USP31: variants seen among roughly 807,000 people sequenced by gnomAD.
The protein encoded by USP31 is ubiquitin carboxyl-terminal hydrolase 31.
USP31 carries 44 observed loss-of-function variants against 119.4 expected under a neutral mutation model. That is an observed-to-expected ratio of 0.37 (90% confidence interval 0.29 to 0.47). The LOEUF (loss-of-function observed/expected upper bound fraction) is 0.47. Among genes scored for constraint, USP31 ranks in the 20% least tolerant of loss-of-function variants. The pLI, the probability that USP31 is intolerant of heterozygous loss-of-function variation, is 0.99. For synonymous variants in USP31, 749 were observed against 705.6 expected (o/e 1.06, Z -0.97); for missense variants, 1,643 against 1,730.2 (o/e 0.95, Z 0.89).
chr16:23,100,950 G>C (rs1901826693), intron 6 of USP31, among the ~76,000 whole-genome samples: 1 of 152,082 alleles, frequency 6.6e-6, no homozygotes, highest in African/African-American at 2.4e-5. Flanking sequence ...GAAGAACCGA[G>C]GAAGGAGAGA....
rs1899937932 is a variant in USP31 at position 23,063,542 on chromosome 16, T to C, written c.*4504A>G. 1 of 152,574 alleles carries C rather than the reference T, an allele frequency of 6.6e-6. No homozygotes were observed. Among genetic ancestry groups the C allele is most frequent in the Non-Finnish European group, 1.5e-5 (1 of 68,028 alleles). 9.5% of individuals were successfully genotyped at this position (152,574 alleles called of 1,614,324 possible). On this transcript the variant is annotated 3_prime_UTR_variant, in exon 16 of 16. Transcript: ENST00000219689. ...AGGCTAAATACAGTATGTACACCAA[T>C]GATGTGTGTTCAACATATCCAATTC...
intron 6 of USP31, among the ~76,000 whole-genome samples, chr16:23,096,361 TACAA>T (rs1901614251): frequency 6.6e-6 from 1 of 152,172 alleles, no homozygotes; most frequent in Non-Finnish European, 1.5e-5. Flanking sequence ...CTTAGAGACC[TACAA>T]AGAGACTTAG....
intron 6 of USP31, among the ~76,000 whole-genome samples, chr16:23,092,092 G>A (rs1901388468): frequency 6.6e-6 from 1 of 152,198 alleles, no homozygotes; most frequent in East Asian, 1.9e-4. Context: ...CCAGCTGTGT[G>A]AGCTGGGAGT....
chr16:23,097,516 C>T (rs558318565), intron 6 of USP31, among the ~76,000 whole-genome samples: 1 of 152,294 alleles, frequency 6.6e-6, no homozygotes, highest in South Asian at 2.1e-4. Context: ...GGCAGAGACA[C>T]AACAAATAAA....
intron 12 of USP31, among the ~76,000 whole-genome samples, chr16:23,081,580 T>C (rs999620229): frequency 6.6e-6 from 1 of 151,904 alleles, no homozygotes; most frequent in African/African-American, 2.4e-5. Flanking sequence ...TCTAATCTGT[T>C]ATCTACACAA....
chr16:23,106,202 T>C lies in USP31; in HGVS notation c.953+11A>G. ...AAAATACAGTCTTCATTTTACTAAA[T>C]CCATTCTTACCTTGTGTGGGGCAGA... is the stretch of plus-strand genomic sequence containing the variant. On this transcript the variant is annotated intron_variant, in intron 4 of 15. Coordinates refer to ENST00000219689, the MANE Select transcript of USP31 (RefSeq NM_020718.4). The C allele has an allele frequency of 6.2e-7, 1 of 1,614,098 alleles. No individual in the cohort carries two copies. Among genetic ancestry groups the C allele is most frequent in the South Asian group, 1.1e-5 (1 of 91,066 alleles).
At chr16:23,120,698 A>T (rs1596725996) in intron 1 of USP31, among the ~76,000 whole-genome samples, 1 of 152,260 alleles carries the variant, frequency 6.6e-6, no homozygotes, top group African/African-American at 2.4e-5. Context: ...AAGGTAGAGG[A>T]GGAACATACA....
At chr16:23,137,897 T>C (rs1301032377) in intron 1 of USP31, among the ~76,000 whole-genome samples, 1 of 152,154 alleles carries the variant, frequency 6.6e-6, no homozygotes, top group African/African-American at 2.4e-5. Flanking sequence ...TAAACAGTAT[T>C]ACAAATGTTC....
At chr16:23,108,924 C>A (rs1291321479) in intron 1 of USP31, among the ~76,000 whole-genome samples, 1 of 152,154 alleles carries the variant, frequency 6.6e-6, no homozygotes, top group Non-Finnish European at 1.5e-5. Flanking sequence ...CACTCATCAA[C>A]AAAGACTTAA....
chr16:23,101,313 G>A (rs1424872037), intron 6 of USP31, among the ~76,000 whole-genome samples: 1 of 152,128 alleles, frequency 6.6e-6, no homozygotes. Context: ...GAGTGAAGAG[G>A]AGGATAGTAG....
intron 2 of USP31, 35 bp downstream of exon 2, chr16:23,108,011 C>A: frequency 1.3e-6 from 2 of 1,581,166 alleles, no homozygotes; most frequent in South Asian, 1.2e-5. Context: ...ACTCTCATGG[C>A]TGGCTGACTG....
rs144803691 is a variant in USP31 at position 23,069,534 on chromosome 16, G to T, written c.2571C>A (p.Ala857=). ...SSRSSVTSPL[A]VNENCMRPSW... ...AAGGTCTCATGCAATTTTCATTGACGGCCAAGGGGCTGGTGACAGAAGATC... is the reference window on the plus strand; with the variant it reads ...AAGGTCTCATGCAATTTTCATTGACTGCCAAGGGGCTGGTGACAGAAGATC... Residue 857 remains alanine, a synonymous_variant, in exon 16 of 16, where the codon GCC becomes GCA. Coordinates refer to ENST00000219689, the MANE Select transcript of USP31 (RefSeq NM_020718.4). 2 of 1,614,134 alleles carry T rather than the reference G, an allele frequency of 1.2e-6. No individual in the cohort carries two copies. Among genetic ancestry groups the T allele is most frequent in the South Asian group, 1.1e-5 (1 of 91,076 alleles).
At chr16:23,132,441 C>T (rs1004967407) in intron 1 of USP31, among the ~76,000 whole-genome samples, 5 of 151,636 alleles carry the variant, frequency 3.3e-5, no homozygotes, top group African/African-American at 1.2e-4. Flanking sequence ...TATTTAGTAG[C>T]CCCTCATTGT....
intron 1 of USP31, among the ~76,000 whole-genome samples, chr16:23,120,250 A>G (rs1042163037): frequency 6.6e-6 from 1 of 152,228 alleles, no homozygotes; most frequent in African/African-American, 2.4e-5. Flanking sequence ...TGATAATCTG[A>G]AAGAGTTAAA....
At chr16:23,134,911 CA>C (rs1466961095) in intron 1 of USP31, among the ~76,000 whole-genome samples, 1 of 151,154 alleles carries the variant, frequency 6.6e-6, no homozygotes, top group Non-Finnish European at 1.5e-5. Context: ...CACACACACA[CA>C]CACATATTCT....
In USP31 at chr16:23,061,563, GAAT is replaced by G. The variant is rs918401019; in HGVS notation, c.*6480_*6482del. 7 of 152,714 alleles carry G rather than the reference GAAT, an allele frequency of 4.6e-5. No homozygotes were observed. The highest frequency in any genetic ancestry group is 1.3e-4 in the Admixed American group (2 of 15,300). The allele number at this position is 152,714 out of a possible 1,614,324, so 9.5% of individuals were successfully genotyped here. ...TGCTTCTTAAAAGTGCATACACTTT[GAAT>G]AATAAAACATACAAATAAATAACAG... On this transcript the variant is annotated 3_prime_UTR_variant, in exon 16 of 16. Transcript: ENST00000219689.
intron 13 of USP31, chr16:23,079,578 A>T (rs2141838250): frequency 6.1e-6 from 1 of 163,998 alleles, no homozygotes; most frequent in South Asian, 1.9e-4. Flanking sequence ...AAAAAAAAAA[A>T]AAGTAGTTCA....
chr16:23,113,816 T>A (rs575161507), intron 1 of USP31, among the ~76,000 whole-genome samples: 77 of 152,128 alleles, frequency 5.1e-4, no homozygotes, highest in African/African-American at 1.4e-3. Context: ...ATAAAGATGA[T>A]TCTTCAGGCT....
chr16:23,110,345 T>A (rs556363605), intron 1 of USP31, among the ~76,000 whole-genome samples: 1 of 152,312 alleles, frequency 6.6e-6, no homozygotes, highest in African/African-American at 2.4e-5. Context: ...CCAGGAGATG[T>A]CATTTGAGCT....
Sources: allele counts gnomAD v4.1 joint callset (sites outside exome capture counted in the v4.1 genomes callset), GRCh38; gene constraint gnomAD v4.1.1; transcripts MANE v1.5; gene names NCBI Gene and HGNC (gene_info 2026-07-23, HGNC 2026-07-21).